Variants in PRKAR2B observed in about 807,000 individuals in gnomAD.
PRKAR2B encodes protein kinase cAMP-dependent type II regulatory subunit beta.
PRKAR2B carries 14 observed loss-of-function variants against 49.9 expected under a neutral mutation model. The ratio of observed to expected loss-of-function variants is 0.28; its 90% confidence interval spans 0.19 to 0.44. The LOEUF (loss-of-function observed/expected upper bound fraction) is 0.44, where lower values mean the gene tolerates loss of function less well. Ranked by LOEUF, PRKAR2B falls within the 20% of genes least tolerant of loss-of-function variation. The probability of loss-of-function intolerance (pLI) is 1.00; values close to 1 mark genes in which losing one functional copy is unlikely to be tolerated. For synonymous variants in PRKAR2B, 196 were observed against 197.7 expected (o/e 0.99, Z 0.07); for missense variants, 393 against 537.9 (o/e 0.73, Z 2.67).
At chr7:107,077,185 CACCAAT>C (rs1794414966) in intron 2 of PRKAR2B, 1 of 152,126 alleles carries the variant, frequency 6.6e-6, no homozygotes. Context: ...GCCTGTTAAT[CACCAAT>C]ACTTGGGAAT....
rs1644252555 is a variant in PRKAR2B, at chr7:107,159,867, GTATC to G, written c.*287_*290del. On this transcript the variant is annotated 3_prime_UTR_variant, in exon 11 of 11. Coordinates refer to ENST00000265717, the MANE Select transcript of PRKAR2B (RefSeq NM_002736.3). ...TTAAAATGATTGTAATATATAGAAA[GTATC>G]TGTGTTTAAGAAGATAATTAAAGGA... 7.0e-6 allele frequency: 2 copies of G among 284,192 alleles called. No individual in the cohort carries two copies. The highest frequency in any genetic ancestry group is 6.6e-6 in the Non-Finnish European group (1 of 152,234). The allele number at this position is 284,192 out of a possible 1,614,324, so 17.6% of individuals were successfully genotyped here.
intron 2 of PRKAR2B, among the ~76,000 whole-genome samples, chr7:107,074,506 TTAG>T (rs1415489478): frequency 6.6e-6 from 1 of 152,096 alleles, no homozygotes; most frequent in African/African-American, 2.4e-5. Context: ...GTATTAAAAA[TTAG>T]TGGTGGTGGC....
At chr7:107,146,227 C>T (rs1795890064) in intron 5 of PRKAR2B, 81 bp from the exon 6 acceptor site, 2 of 1,397,040 alleles carry the variant, frequency 1.4e-6, no homozygotes, top group South Asian at 2.8e-5. Context: ...ATTTTTATTT[C>T]ACAGGGCTCT....
intron 2 of PRKAR2B, among the ~76,000 whole-genome samples, chr7:107,085,741 G>T (rs1271778624): frequency 1.3e-5 from 2 of 152,044 alleles, no homozygotes; most frequent in Non-Finnish European, 2.9e-5. Flanking sequence ...TACCTCTAAA[G>T]CTACCTCTTG....
At chr7:107,046,651 G>GA (rs1793701381) in intron 1 of PRKAR2B, among the ~76,000 whole-genome samples, 1 of 152,090 alleles carries the variant, frequency 6.6e-6, no homozygotes, top group African/African-American at 2.4e-5. Context: ...ACGAGAAAGA[G>GA]AAAAGAATGC....
At chr7:107,150,101 G>C (rs1377291319) in intron 6 of PRKAR2B, among the ~76,000 whole-genome samples, 2 of 151,946 alleles carry the variant, frequency 1.3e-5, no homozygotes, top group Non-Finnish European at 2.9e-5. Flanking sequence ...GTTTATTAAT[G>C]AATGCCAATC....
chr7:107,159,353 A>G, intron 10 of PRKAR2B, 96 bp from the exon 11 acceptor site: 1 of 1,135,762 alleles, frequency 8.8e-7, no homozygotes, highest in Non-Finnish European at 1.3e-6. Context: ...ATATCATTGC[A>G]CTATTGATAT....
At chr7:107,097,886 G>T (rs1794877591) in intron 2 of PRKAR2B, among the ~76,000 whole-genome samples, 1 of 152,196 alleles carries the variant, frequency 6.6e-6, no homozygotes, top group Non-Finnish European at 1.5e-5. Flanking sequence ...TCCACTGTTA[G>T]TCTGATGGGC....
Position 107,059,696 on chromosome 7 carries a change from ATGTGTGTG to A in PRKAR2B, c.308-10569_308-10562del, listed in dbSNP as rs10692192. ...ATTTTTTGTTATAGTGCTGTAGTGA[ATGTGTGTG>A]TGTGTGTGTGTGTGTATGTGTGTTA... On this transcript the variant is annotated intron_variant, in intron 1 of 10. Coordinates refer to ENST00000265717, the MANE Select transcript of PRKAR2B (RefSeq NM_002736.3). Among the ~76,000 whole-genome samples, 11 of 149,666 alleles carry A rather than the reference ATGTGTGTG, an allele frequency of 7.3e-5. No homozygotes were observed. The South Asian group carries it at 2.1e-3, about 29-fold the overall frequency.
At position 107,142,767 on chromosome 7, in the gene PRKAR2B, G is replaced by GT. The variant is rs570447845; in HGVS notation, c.587+1817dup. ...TGAAAAAAACAGCCCAAGATTTTTTGTTTGTTTTTTTTTTTTAAACAGTCT... is the reference window on the plus strand; with the variant it reads ...TGAAAAAAACAGCCCAAGATTTTTTGTTTTGTTTTTTTTTTTTAAACAGTCT... On this transcript the variant is annotated intron_variant, in intron 5 of 10. Coordinates refer to ENST00000265717, the MANE Select transcript of PRKAR2B (RefSeq NM_002736.3). Among the ~76,000 whole-genome samples the GT allele has an allele frequency of 5.4e-4, 81 of 150,732 alleles. 1 individual carries two copies. In the South Asian group the frequency reaches 9.5e-3, roughly 18 times the overall value.
intron 1 of PRKAR2B, among the ~76,000 whole-genome samples, chr7:107,062,161 T>A (rs2116760993): frequency 6.6e-6 from 1 of 152,192 alleles, no homozygotes; most frequent in Middle Eastern, 3.4e-3. Flanking sequence ...GACCAAGCAA[T>A]CCCACTCCTA....
At chr7:107,075,931 T>C (rs1011408836) in intron 2 of PRKAR2B, among the ~76,000 whole-genome samples, 2 of 152,196 alleles carry the variant, frequency 1.3e-5, no homozygotes, top group African/African-American at 4.8e-5. Flanking sequence ...TGTGGTTTTG[T>C]CTCTGAATTG....
chr7:107,137,360 C>T lies in PRKAR2B; in HGVS notation c.481-3487C>T, dbSNP rs550378929. ...GATTACCCTTCTTTGAGTGTTCTCT[C>T]GCTGCCAGTGACTCCTTTGAAAGAC... On this transcript the variant is annotated intron_variant, in intron 4 of 10. Coordinates refer to ENST00000265717, the MANE Select transcript of PRKAR2B (RefSeq NM_002736.3). Among the ~76,000 whole-genome samples, 18 of 152,306 alleles carry T rather than the reference C, an allele frequency of 1.2e-4. No homozygotes were observed. The South Asian group carries it at 1.5e-3, about 12-fold the overall frequency.
At chr7:107,093,644 A>G (rs1210016970) in intron 2 of PRKAR2B, among the ~76,000 whole-genome samples, 2 of 149,958 alleles carry the variant, frequency 1.3e-5, no homozygotes, top group East Asian at 4.0e-4. Flanking sequence ...TATATCTCCT[A>G]ATGCTATCTC....
chr7:107,060,616 C>G (rs1268606101), intron 1 of PRKAR2B, among the ~76,000 whole-genome samples: 1 of 150,600 alleles, frequency 6.6e-6, no homozygotes, highest in Non-Finnish European at 1.5e-5. Context: ...CCTTCCCTCC[C>G]GCCCTCCCTT....
chr7:107,093,727 G>C lies in PRKAR2B; in HGVS notation c.343+23411G>C, dbSNP rs529204967. On this transcript the variant is annotated intron_variant, in intron 2 of 10. Coordinates refer to ENST00000265717, the MANE Select transcript of PRKAR2B (RefSeq NM_002736.3). ...CACTCTGTGTCCAAGTGTTCTCATT[G>C]TTCAATTCCCACCTATGAGTGAGAA... 2.1e-5 allele frequency among the ~76,000 whole-genome samples: 3 copies of C among 146,326 alleles called. No homozygotes were observed. The East Asian group carries it at 6.1e-4, about 30-fold the overall frequency.
At chr7:107,128,125 G>C (rs1795531671) in intron 3 of PRKAR2B, 87 bp from the exon 4 acceptor site, 2 of 856,516 alleles carry the variant, frequency 2.3e-6, no homozygotes, top group Admixed American at 2.3e-5. Flanking sequence ...TCTAATGTTG[G>C]TTCTGATTTT....
intron 6 of PRKAR2B, 122 bp from the exon 7 acceptor site, chr7:107,150,800 G>T: frequency 3.6e-6 from 2 of 559,446 alleles, no homozygotes; most frequent in Non-Finnish European, 3.2e-6. Flanking sequence ...TGCATTAAAA[G>T]TATAATGATG....
chr7:107,072,710 T>G (rs1374270826), intron 2 of PRKAR2B, among the ~76,000 whole-genome samples: 1 of 151,324 alleles, frequency 6.6e-6, no homozygotes, highest in Non-Finnish European at 1.5e-5. Context: ...GTACATTAAC[T>G]TTTTTAAAAA....
Sources: gnomAD v4.1 joint callset for allele counts (sites outside exome capture counted in the v4.1 genomes callset) on GRCh38, gnomAD v4.1.1 for gene constraint, MANE v1.5 for transcripts, NCBI Gene and HGNC (gene_info 2026-07-23, HGNC 2026-07-21) for gene names.